Variants in STXBP5L observed in about 807,000 individuals in gnomAD.
STXBP5L encodes the protein syntaxin binding protein 5L.
Under a neutral mutation model 144.5 loss-of-function variants are expected in STXBP5L, and 65 were observed. That is an observed-to-expected ratio of 0.45 (90% CI 0.37 to 0.55). The LOEUF is 0.55. Among genes scored for constraint, STXBP5L ranks in the 20% least tolerant of loss-of-function variants. The probability of loss-of-function intolerance (pLI) is 0.00; values close to 1 mark genes in which losing one functional copy is unlikely to be tolerated. For missense variants in STXBP5L, 1,298 were observed against 1,405.5 expected (o/e 0.92, Z 1.22); for synonymous variants, 505 against 469.6 (o/e 1.08, Z -0.97).
chr3:121,307,382 T>C (rs2043372324), intron 19 of STXBP5L, among the ~76,000 whole-genome samples: 1 of 152,110 alleles, frequency 6.6e-6, no homozygotes, highest in Non-Finnish European at 1.5e-5. Context: ...ATTATAAATA[T>C]GCTTAAAGAA....
In STXBP5L at chr3:121,139,966, C is replaced by T. The variant is rs1458608272; in HGVS notation, c.670-12511C>T. On this transcript the variant is annotated intron_variant, in intron 7 of 26. Coordinates refer to ENST00000471454, the MANE Select transcript of STXBP5L (RefSeq NM_001308330.2). ...AGACAACTCACCATAAAAAACCAAACAACCCAGTTGAAAAATGGACAAAAT... is the reference window on the plus strand; with the variant it reads ...AGACAACTCACCATAAAAAACCAAATAACCCAGTTGAAAAATGGACAAAAT... 1.3e-5 allele frequency among the ~76,000 whole-genome samples: 2 copies of T among 152,076 alleles called. 1 individual carries two copies. Among genetic ancestry groups the T allele is most frequent in the South Asian group, 4.1e-4 (2 of 4,824 alleles).
intron 22 of STXBP5L, among the ~76,000 whole-genome samples, chr3:121,406,431 G>A (rs1042061995): frequency 6.6e-6 from 1 of 151,958 alleles, no homozygotes; most frequent in African/African-American, 2.4e-5. Context: ...AAGGACAAAG[G>A]AAAGAAAGGG....
chr3:121,089,293 G>C (rs1026707307), intron 5 of STXBP5L, among the ~76,000 whole-genome samples: 9 of 151,434 alleles, frequency 5.9e-5, no homozygotes, highest in African/African-American at 7.3e-5. Context: ...GTCTTTTAAA[G>C]AAAAAATTTT....
intron 23 of STXBP5L, among the ~76,000 whole-genome samples, chr3:121,412,778 G>T (rs1354776310): frequency 3.6e-5 from 5 of 139,178 alleles, no homozygotes; most frequent in African/African-American, 1.4e-4. Flanking sequence ...AGAAAGTCTA[G>T]TTTATTACCA....
At chr3:121,385,534 A>G (rs2046408194) in intron 22 of STXBP5L, among the ~76,000 whole-genome samples, 1 of 152,036 alleles carries the variant, frequency 6.6e-6, no homozygotes, top group South Asian at 2.1e-4. Context: ...GAGGGAACAA[A>G]CATCCAAACC....
At chr3:121,109,283 G>C (rs969848072) in intron 5 of STXBP5L, among the ~76,000 whole-genome samples, 1 of 152,012 alleles carries the variant, frequency 6.6e-6, no homozygotes, top group East Asian at 1.9e-4. Flanking sequence ...CTATCTTTGG[G>C]GTTTGTTTGC....
At chr3:121,192,358 G>A (rs1397220780) in intron 9 of STXBP5L, among the ~76,000 whole-genome samples, 1 of 152,096 alleles carries the variant, frequency 6.6e-6, no homozygotes, top group Non-Finnish European at 1.5e-5. Flanking sequence ...CATGCTCATG[G>A]ATAGGAAGAA....
At chr3:121,147,685 G>A (rs145921194) in intron 7 of STXBP5L, among the ~76,000 whole-genome samples, 1 of 152,208 alleles carries the variant, frequency 6.6e-6, no homozygotes, top group African/African-American at 2.4e-5. Context: ...CATTCTAAAG[G>A]TTTAGGTGAG....
chr3:120,911,072 C>T (rs750373901), intron 2 of STXBP5L, among the ~76,000 whole-genome samples: 5 of 151,968 alleles, frequency 3.3e-5, no homozygotes, highest in East Asian at 1.9e-4. Context: ...GCAATTTTCA[C>T]GATCAGATTC....
chr3:120,990,082 C>T (rs1255273276), intron 3 of STXBP5L, among the ~76,000 whole-genome samples: 3 of 152,146 alleles, frequency 2.0e-5, no homozygotes, highest in Non-Finnish European at 4.4e-5. Flanking sequence ...CCAAAATCTC[C>T]TTAAGCTGAT....
chr3:121,029,065 G>A (rs1221644747), intron 3 of STXBP5L, among the ~76,000 whole-genome samples: 2 of 152,088 alleles, frequency 1.3e-5, no homozygotes, highest in African/African-American at 4.8e-5. Context: ...TCATGCTCAT[G>A]GATAGGAAGA....
chr3:121,158,567 C>T (rs1486527290), intron 9 of STXBP5L: 4 of 152,122 alleles, frequency 2.6e-5, no homozygotes, highest in African/African-American at 9.7e-5. Flanking sequence ...TAGTCTTTAG[C>T]TGGTTTACTT....
intron 9 of STXBP5L, 156 bp downstream of exon 9, chr3:121,157,783 T>C (rs2046174633): frequency 2.0e-6 from 2 of 980,540 alleles, no homozygotes; most frequent in Non-Finnish European, 2.8e-6. Flanking sequence ...ATCCCAACAT[T>C]GTACCCCAAA....
chr3:121,211,722 G>T (rs567370571), intron 10 of STXBP5L, among the ~76,000 whole-genome samples: 1 of 151,916 alleles, frequency 6.6e-6, no homozygotes, highest in Non-Finnish European at 1.5e-5. Context: ...GTGACTACAG[G>T]CATGTGCCAC....
intron 23 of STXBP5L, among the ~76,000 whole-genome samples, chr3:121,412,284 CT>C (rs1226827847): frequency 1.9e-4 from 29 of 152,132 alleles, no homozygotes; most frequent in African/African-American, 6.5e-4. Context: ...ACTTTCTGGG[CT>C]AACAAGGTCC....
intron 19 of STXBP5L, among the ~76,000 whole-genome samples, chr3:121,295,761 A>G (rs1559945350): frequency 6.6e-6 from 1 of 152,208 alleles, no homozygotes; most frequent in Non-Finnish European, 1.5e-5. Flanking sequence ...TACATCTACA[A>G]TGTATTTCTA....
intron 3 of STXBP5L, among the ~76,000 whole-genome samples, chr3:121,003,316 G>A (rs1366101349): frequency 6.6e-6 from 1 of 151,006 alleles, no homozygotes; most frequent in Non-Finnish European, 1.5e-5. Context: ...GTGATGATGA[G>A]CATTTTTTCA....
intron 3 of STXBP5L, among the ~76,000 whole-genome samples, chr3:120,975,913 A>G (rs1362784236): frequency 4.4e-4 from 67 of 152,244 alleles, no homozygotes; most frequent in African/African-American, 1.6e-3. Flanking sequence ...CATGGTGGAT[A>G]AGCTTTTTGA....
chr3:121,328,631 TC>T (rs2044226118), intron 20 of STXBP5L, among the ~76,000 whole-genome samples: 1 of 151,974 alleles, frequency 6.6e-6, no homozygotes, highest in African/African-American at 2.4e-5. Flanking sequence ...GCGCCTGTAA[TC>T]CCAGCTACTC....
Sources: gnomAD v4.1 joint callset for allele counts (sites outside exome capture counted in the v4.1 genomes callset) on GRCh38, gnomAD v4.1.1 for gene constraint, MANE v1.5 for transcripts, NCBI Gene and HGNC (gene_info 2026-07-23, HGNC 2026-07-21) for gene names.